Variants in SP140 observed in about 807,000 individuals in gnomAD.
SP140 encodes the protein nuclear body protein SP140.
SP140 carries 81 observed loss-of-function variants against 125.0 expected under a neutral mutation model. The observed-to-expected ratio is 0.65, with a 90% CI of 0.54 to 0.78. The LOEUF (loss-of-function observed/expected upper bound fraction) is 0.78, where lower values mean the gene tolerates loss of function less well. Among genes scored for constraint, SP140 ranks in the 30% least tolerant of loss-of-function variants. The pLI, the probability that SP140 is intolerant of heterozygous loss-of-function variation, is 0.00. For missense variants in SP140, 858 were observed against 1,037.0 expected (o/e 0.83, Z 2.37); for synonymous variants, 312 against 354.0 (o/e 0.88, Z 1.33).
chr2:230,250,580 A>G (rs757712291), intron 9 of SP140, among the ~76,000 whole-genome samples: 33 of 152,104 alleles, frequency 2.2e-4, no homozygotes, highest in Admixed American at 3.9e-4. Flanking sequence ...AATAAATGAG[A>G]TGGGGAAAGC....
chr2:230,192,477 C>T, the SP140 span, among the ~76,000 whole-genome samples: 6 of 152,056 alleles, frequency 3.9e-5, no homozygotes, highest in African/African-American at 1.4e-4. Context: ...CACAAGTATG[C>T]CTTTACACCA....
intron 15 of SP140, among the ~76,000 whole-genome samples, chr2:230,273,829 T>G (rs1259343327): frequency 6.6e-6 from 1 of 152,134 alleles, no homozygotes; most frequent in Non-Finnish European, 1.5e-5. Context: ...GTATTATCCT[T>G]AGCAAACTAA....
At chr2:230,284,523 C>A in intron 16 of SP140, 112 bp downstream of exon 16, 1 of 828,880 alleles carries the variant, frequency 1.2e-6, no homozygotes, top group South Asian at 2.2e-5. Flanking sequence ...CTCCTGTATC[C>A]ATTAGGATGT....
the SP140 span, among the ~76,000 whole-genome samples, chr2:230,191,095 G>T: frequency 6.6e-6 from 1 of 152,050 alleles, no homozygotes; most frequent in African/African-American, 2.4e-5. Context: ...ATTCTGTGAA[G>T]AATGTAGAGA....
At chr2:230,252,097 C>A (rs2050461598) in intron 10 of SP140, among the ~76,000 whole-genome samples, 1 of 151,560 alleles carries the variant, frequency 6.6e-6, no homozygotes, top group Non-Finnish European at 1.5e-5. Flanking sequence ...GTAAAGCAAG[C>A]TTAAGGAGAG....
At chr2:230,242,506 T>C (rs2048864956) in intron 4 of SP140, among the ~76,000 whole-genome samples, 1 of 152,148 alleles carries the variant, frequency 6.6e-6, no homozygotes, top group Admixed American at 6.5e-5. Context: ...TAAATTATCT[T>C]TAGAGTACAT....
chr2:230,267,568 T>C (rs1459519832), intron 12 of SP140, among the ~76,000 whole-genome samples: 1 of 152,178 alleles, frequency 6.6e-6, no homozygotes. Context: ...AACCTCCCCA[T>C]TGCAAGCCAG....
intron 1 of SP140, among the ~76,000 whole-genome samples, chr2:230,235,263 G>A (rs576582126): frequency 6.5e-4 from 99 of 152,240 alleles, no homozygotes; most frequent in Admixed American, 1.9e-3. Flanking sequence ...TGCAGGACAC[G>A]CTGGATCCTT....
Position 230,292,642 on chromosome 2 carries a change from A to G in SP140, c.1826-4A>G. 6.2e-7 allele frequency: 1 copy of G among 1,614,166 alleles called. No homozygotes were observed. Among genetic ancestry groups the G allele is most frequent in the Non-Finnish European group, 8.5e-7 (1 of 1,180,016 alleles). On this transcript the variant is annotated splice_polypyrimidine_tract_variant and splice_region_variant and intron_variant, in intron 19 of 26. Transcript: ENST00000392045. ...CTCAGGATCAAGTTACCCTGGTCTT[A>G]CAGGAATCTTGGTGAAGTGTATACA... is the stretch of plus-strand genomic sequence containing the variant.
chr2:230,246,834 A>G (rs890636124), intron 7 of SP140, among the ~76,000 whole-genome samples: 9 of 152,216 alleles, frequency 5.9e-5, no homozygotes, highest in Non-Finnish European at 1.0e-4. Flanking sequence ...GAGAAGAAAA[A>G]TGCTCGAAGA....
At chr2:230,302,579 C>T (rs1423518547) in intron 22 of SP140, among the ~76,000 whole-genome samples, 2 of 152,214 alleles carry the variant, frequency 1.3e-5, no homozygotes, top group Non-Finnish European at 2.9e-5. Context: ...TATTACAGAA[C>T]ATTCTACCCA....
chr2:230,221,849 TAAAGTC>T (rs923730131), upstream of SP140: 107 of 925,828 alleles, frequency 1.2e-4, 1 homozygote, highest in Middle Eastern at 1.5e-3. Flanking sequence ...AGTGGGAAAA[TAAAGTC>T]AATGTCAAAT....
the SP140 span, chr2:230,186,294 A>G: frequency 1.4e-6 from 1 of 739,680 alleles, no homozygotes; most frequent in African/African-American, 2.1e-5. Flanking sequence ...ACTTCCTTCT[A>G]TTTCTCTTTT....
intron 12 of SP140, among the ~76,000 whole-genome samples, chr2:230,263,645 G>T (rs2052622694): frequency 1.3e-5 from 2 of 152,188 alleles, no homozygotes; most frequent in African/African-American, 4.8e-5. Flanking sequence ...CCTTTTAGCA[G>T]TTCTTGTAGT....
rs1453446553 is a variant in SP140, at chr2:230,238,221, A to G, written c.246A>G (p.Gln82=). The change falls in exon 3 of 27, where the codon CAA becomes CAG. Residue 82 remains glutamine (Q), a synonymous_variant. Transcript: ENST00000392045. ...CATTTAATATTTTTAAGCATTTTCA[A>G]GAAGCTTTTAGAAACCTGGTCCCAG... ...FISEQMYEHF[Q]EAFRNLVPVT... 2 of 1,589,438 alleles carry G rather than the reference A, an allele frequency of 1.3e-6. No individual in the cohort carries two copies. The highest frequency in any genetic ancestry group is 2.2e-5 in the East Asian group (1 of 44,630).
At chr2:230,305,942 G>T (rs1482916377) in intron 22 of SP140, among the ~76,000 whole-genome samples, 1 of 152,232 alleles carries the variant, frequency 6.6e-6, no homozygotes, top group Non-Finnish European at 1.5e-5. Flanking sequence ...CCCCAGGCAG[G>T]GTCACAAGCC....
chr2:230,233,050 A>T (rs1228080477), intron 1 of SP140, among the ~76,000 whole-genome samples: 1 of 152,086 alleles, frequency 6.6e-6, no homozygotes, highest in Non-Finnish European at 1.5e-5. Context: ...TGGTAGCTTA[A>T]TCTGTTTTAA....
chr2:230,241,541 T>C, intron 4 of SP140, 54 bp downstream of exon 4: 1 of 1,017,884 alleles, frequency 9.8e-7, no homozygotes, highest in Non-Finnish European at 1.6e-6. Context: ...TTCCTTGCCT[T>C]CATGGAGGCA....
At chr2:230,295,836 G>C (rs1285697230) in intron 21 of SP140, among the ~76,000 whole-genome samples, 1 of 152,222 alleles carries the variant, frequency 6.6e-6, no homozygotes, top group Admixed American at 6.5e-5. Flanking sequence ...GTTTGCTTAA[G>C]AGCCTCCAGT....
Sources: allele counts gnomAD v4.1 joint callset (sites outside exome capture counted in the v4.1 genomes callset), GRCh38; gene constraint gnomAD v4.1.1; transcripts MANE v1.5; gene names NCBI Gene and HGNC (gene_info 2026-07-23, HGNC 2026-07-21).